NEU3: variants seen among roughly 807,000 people sequenced by gnomAD.
NEU3 encodes neuraminidase 3.
In NEU3, 10 loss-of-function variants were observed where a neutral mutation model predicts 11.4. The observed-to-expected ratio is 0.88, with a 90% confidence interval of 0.54 to 1.49. NEU3 has a LOEUF of 1.49. NEU3 is among the 40% of genes most tolerant of loss of function. The pLI is 0.00. For synonymous variants in NEU3, 212 were observed against 228.2 expected, an observed-to-expected ratio of 0.93 and a Z score of 0.64; for missense variants, 529 against 581.8, an observed-to-expected ratio of 0.91 and a Z score of 0.93.
In NEU3 at chr11:75,007,568, G is replaced by C. The variant is rs1948911490; in HGVS notation, c.*1076G>C. The C allele has an allele frequency of 6.6e-6, 1 of 152,174 alleles. No homozygotes were observed. The highest frequency in any genetic ancestry group is 1.5e-5 in the Non-Finnish European group (1 of 68,062). 9.4% of individuals were successfully genotyped at this position (152,174 alleles called of 1,614,324 possible). A position where few individuals can be genotyped will look rare whatever the true frequency, so the allele number is the denominator to read the frequency against. On this transcript the variant is annotated 3_prime_UTR_variant, in exon 3 of 3. Transcript: ENST00000294064. ...TTTCTCAGGATATTGTCCTGGCCCA[G>C]CTACTCCTTTACCTGTGAGAAGATC... is the stretch of plus-strand genomic sequence containing the variant.
chr11:74,983,129 A>G, the NEU3 span, among the ~76,000 whole-genome samples: 2 of 152,222 alleles, frequency 1.3e-5, no homozygotes, highest in Admixed American at 6.5e-5. Context: ...AGAAAGGACA[A>G]AGGCCTTTCA....
intron 2 of NEU3, 151 bp downstream of exon 2, chr11:74,994,871 G>A (rs1261683004): frequency 2.7e-6 from 2 of 749,624 alleles, no homozygotes; most frequent in Non-Finnish European, 4.7e-6. Context: ...GGCTCTCACT[G>A]AGTGCTTATT....
In NEU3 at chr11:75,006,143, G is replaced by C; in HGVS notation, c.1037G>C (p.Ser346Thr). ...APTIQQSSPG[S>T]SLRLEEEAGT... ...ACCATTCAGCAGAGCTCTCCAGGCA[G>C]TTCACTGAGGCTGGAGGAGGAAGCT... Residue 346 changes from serine to threonine, a missense_variant, in exon 3 of 3, where the codon AGT (serine) becomes ACT (threonine). By Grantham distance (58) the Ser-to-Thr change is moderately conservative (BLOSUM62 1). Transcript: ENST00000294064. The C allele has an allele frequency of 3.1e-6, 5 of 1,614,044 alleles. No homozygotes were observed. Among genetic ancestry groups the C allele is most frequent in the Non-Finnish European group, 4.2e-6 (5 of 1,179,902 alleles).
Position 75,006,116 on chromosome 11 carries a change from C to A in NEU3, c.1010C>A (p.Pro337His). 2 of 1,613,990 alleles carry A rather than the reference C, an allele frequency of 1.2e-6. No homozygotes were observed. The highest frequency in any genetic ancestry group is 1.7e-6 in the Non-Finnish European group (2 of 1,179,880). ...RCQDSSSKDA[P>H]TIQQSSPGSS... ...CAGGACTCTAGCAGCAAAGATGCAC[C>A]CACCATTCAGCAGAGCTCTCCAGGC... The change falls in exon 3 of 3, where the codon CCC becomes CAC. Residue 337 changes from proline to histidine, a missense_variant. By Grantham distance (77) the Pro-to-His change is moderately conservative. Coordinates refer to ENST00000294064, the MANE Select transcript of NEU3 (RefSeq NM_006656.6).
rs1453251571 is a variant in NEU3 at position 75,010,570 on chromosome 11, C to G, written c.*4078C>G. The G allele has an allele frequency of 6.6e-6, 1 of 152,204 alleles. No homozygotes were observed. The highest frequency in any genetic ancestry group is 1.5e-5 in the Non-Finnish European group (1 of 68,048). 9.4% of individuals were successfully genotyped at this position (152,204 alleles called of 1,614,324 possible). ...CAGTTACACTACTTCCTGGGATGGG[C>G]CTTTCTCTGGCTTAAGCTTGGTTGT... On this transcript the variant is annotated 3_prime_UTR_variant, in exon 3 of 3. Coordinates refer to ENST00000294064, the MANE Select transcript of NEU3 (RefSeq NM_006656.6).
At chr11:75,016,997 G>T (rs1948983526) in intron 3 of NEU3, among the ~76,000 whole-genome samples, 1 of 152,226 alleles carries the variant, frequency 6.6e-6, no homozygotes, top group African/African-American at 2.4e-5. Context: ...AGCCCTGAAA[G>T]TGGAGAGTGA....
At chr11:74,998,595 A>G (rs973574904) in intron 2 of NEU3, among the ~76,000 whole-genome samples, 2 of 152,330 alleles carry the variant, frequency 1.3e-5, no homozygotes, top group African/African-American at 2.4e-5. Context: ...AGATGTCTCA[A>G]ATCTGACCAT....
At chr11:74,990,646 C>T (rs1245865857) in intron 1 of NEU3, among the ~76,000 whole-genome samples, 1 of 152,164 alleles carries the variant, frequency 6.6e-6, no homozygotes, top group Non-Finnish European at 1.5e-5. Context: ...AGGCATGAGC[C>T]ACCGCACCCA....
rs1248032944 is a variant in NEU3 at position 75,006,354 on chromosome 11, G to A, written c.1248G>A (p.Gly416=). The A allele has an allele frequency of 4.3e-6, 7 of 1,614,018 alleles. No homozygotes were observed. In the East Asian group the frequency reaches 8.9e-5, roughly 21 times the overall value. ...CTCTGGAGGAGGAGGGCTTGTTTGGGTGTTTGTTTGAATGTGGGACCAAGC... is the reference window on the plus strand; with the variant it reads ...CTCTGGAGGAGGAGGGCTTGTTTGGATGTTTGTTTGAATGTGGGACCAAGC... ...LAALEEEGLF[G]CLFECGTKQE... Residue 416 remains glycine (G), a synonymous_variant, in exon 3 of 3, where the codon GGG becomes GGA. Transcript: ENST00000294064.
rs1226704445 is a variant in NEU3 at position 74,989,028 on chromosome 11, C to A, written c.-33C>A. The A allele has an allele frequency of 6.6e-7, 1 of 1,516,458 alleles. No individual in the cohort carries two copies. Among genetic ancestry groups the A allele is most frequent in the Admixed American group, 2.0e-5 (1 of 50,886 alleles). The allele number at this position is 1,516,458 out of a possible 1,614,324, so 93.9% of individuals were successfully genotyped here. A position where few individuals can be genotyped will look rare whatever the true frequency, so the allele number is the denominator to read the frequency against. The stretch of plus-strand genomic sequence containing the variant: ...CCTCCTCTGTCTCAGTCTCCCCAGC[C>A]TTGGGGCCGGTGCCTCTTCCGGGCT... On this transcript the variant is annotated 5_prime_UTR_variant, in exon 1 of 3. Transcript: ENST00000294064.
In NEU3 at chr11:75,009,112, TAA is replaced by T. The variant is rs373375850; in HGVS notation, c.*2622_*2623del. 106 of 152,342 alleles carry T rather than the reference TAA, an allele frequency of 7.0e-4. No individual in the cohort carries two copies. Among genetic ancestry groups the T allele is most frequent in the African/African-American group, 2.5e-3 (104 of 41,548 alleles). The allele number at this position is 152,342 out of a possible 1,614,324, so 9.4% of individuals were successfully genotyped here. ...GGTTGGGAACAGGGGAAATCCAGAATAAAGACTTGAGAAAGGAACAGAGTGGG... is the reference window on the plus strand; with the variant it reads ...GGTTGGGAACAGGGGAAATCCAGAATAGACTTGAGAAAGGAACAGAGTGGG... On this transcript the variant is annotated 3_prime_UTR_variant, in exon 3 of 3. Transcript: ENST00000294064.
In NEU3 at chr11:75,005,992, T is replaced by G. The variant is rs201144132; in HGVS notation, c.886T>G (p.Phe296Val). The G allele has an allele frequency of 1.7e-5, 28 of 1,613,968 alleles. No individual in the cohort carries two copies. The highest frequency in any genetic ancestry group is 2.3e-5 in the Non-Finnish European group (27 of 1,179,884). Residue 296 changes from phenylalanine to valine, a missense_variant, in exon 3 of 3, where the codon TTT becomes GTT. By Grantham distance (50) the Phe-to-Val change is conservative. Coordinates refer to ENST00000294064, the MANE Select transcript of NEU3 (RefSeq NM_006656.6). ...EALSTDHGEG[F>V]QRLALSRQLC... ...GCTCAGCACTGACCATGGTGAAGGC[T>G]TTCAGAGACTGGCCCTGAGTCGACA...
chr11:74,987,596 G>A (rs766804921), upstream of NEU3, among the ~76,000 whole-genome samples: 1 of 151,984 alleles, frequency 6.6e-6, no homozygotes, highest in Non-Finnish European at 1.5e-5. Flanking sequence ...GGCGGATCAC[G>A]AGGTCAGGAG....
chr11:74,991,754 A>G (rs369936944), intron 1 of NEU3, among the ~76,000 whole-genome samples: 3 of 152,290 alleles, frequency 2.0e-5, no homozygotes, highest in East Asian at 1.9e-4. Flanking sequence ...GGCTTTTCAC[A>G]TCCTTGTCCT....
Position 74,994,612 on chromosome 11 carries a change from C to T in NEU3, c.198C>T (p.Pro66=), listed in dbSNP as rs1188455509. The T allele has an allele frequency of 6.2e-7, 1 of 1,613,970 alleles. No homozygotes were observed. Among genetic ancestry groups the T allele is most frequent in the Admixed American group, 1.7e-5 (1 of 60,022 alleles). Residue 66 remains proline, a synonymous_variant, in exon 2 of 3, where the codon CCC becomes CCT. Coordinates refer to ENST00000294064, the MANE Select transcript of NEU3 (RefSeq NM_006656.6). ...GGATCCCAGCCCTGCTCTACATACC[C>T]CCCACCCACACCTTCCTGGCCTTTG... The part of the protein sequence containing the change: ...TYRIPALLYI[P]PTHTFLAFAE...
At chr11:74,995,000 A>T (rs1948774716) in intron 2 of NEU3, 3 of 608,258 alleles carry the variant, frequency 4.9e-6, no homozygotes, top group Non-Finnish European at 8.8e-6. Flanking sequence ...TCAAGGTTAT[A>T]CAGCTATAAT....
At chr11:75,016,633 G>A (rs773165712) in intron 3 of NEU3, among the ~76,000 whole-genome samples, 3 of 152,174 alleles carry the variant, frequency 2.0e-5, no homozygotes, top group Non-Finnish European at 4.4e-5. Context: ...TAATCACTTG[G>A]AGAAGCAGAG....
the NEU3 span, among the ~76,000 whole-genome samples, chr11:74,982,160 T>TC: frequency 6.6e-6 from 1 of 152,072 alleles, no homozygotes; most frequent in Non-Finnish European, 1.5e-5. Context: ...GTTTGTTGAG[T>TC]CCAAGTAGGT....
At chr11:74,984,601 C>T (rs537113066), upstream of NEU3, among the ~76,000 whole-genome samples, 5 of 152,324 alleles carry the variant, frequency 3.3e-5, no homozygotes, top group Non-Finnish European at 5.9e-5. Flanking sequence ...TGGAAGCTCC[C>T]TAACTTCTGT....
Sources: gnomAD v4.1 joint callset for allele counts (sites outside exome capture counted in the v4.1 genomes callset) on GRCh38, gnomAD v4.1.1 for gene constraint, MANE v1.5 for transcripts, NCBI Gene and HGNC (gene_info 2026-07-23, HGNC 2026-07-21) for gene names.